WDR93: variants seen among roughly 807,000 people sequenced by gnomAD.
The protein encoded by WDR93 is WD repeat-containing protein 93.
Under a neutral mutation model 82.9 loss-of-function variants are expected in WDR93, and 73 were observed. The ratio of observed to expected loss-of-function variants is 0.88; its 90% confidence interval spans 0.73 to 1.07. WDR93 has a LOEUF of 1.07. WDR93 is among the 50% of genes least tolerant of loss of function. The pLI is 0.00. For missense variants in WDR93, 738 were observed against 826.0 expected (o/e 0.89, Z 1.31); for synonymous variants, 283 against 300.1 (o/e 0.94, Z 0.59).
At chr15:89,731,392 G>T in intron 11 of WDR93, 51 bp from the exon 12 acceptor site, 1 of 1,596,582 alleles carries the variant, frequency 6.3e-7, no homozygotes, top group South Asian at 1.1e-5. Context: ...TAGAAGTGAT[G>T]GGTAGGTGCA....
chr15:89,710,816 AT>A (rs1225547415), intron 4 of WDR93, among the ~76,000 whole-genome samples: 1 of 152,238 alleles, frequency 6.6e-6, no homozygotes, highest in Non-Finnish European at 1.5e-5. Flanking sequence ...GAAACTCAGT[AT>A]TCTGAAAACT....
chr15:89,697,504 T>G (rs568894664), intron 1 of WDR93, among the ~76,000 whole-genome samples: 1 of 152,356 alleles, frequency 6.6e-6, no homozygotes, highest in African/African-American at 2.4e-5. Context: ...GAACATACTT[T>G]GTATTATTTA....
chr15:89,702,819 G>C, intron 2 of WDR93, 131 bp from the exon 3 acceptor site: 2 of 1,046,106 alleles, frequency 1.9e-6, no homozygotes, highest in Non-Finnish European at 2.7e-6. Context: ...GATTACAGGC[G>C]TTAGCCACTG....
chr15:89,711,663 C>G (rs891306451), intron 4 of WDR93, among the ~76,000 whole-genome samples: 1 of 152,100 alleles, frequency 6.6e-6, no homozygotes, highest in African/African-American at 2.4e-5. Flanking sequence ...CAGCAACTAC[C>G]AGAGTTTTCA....
chr15:89,741,675 G>C (rs569599241), intron 16 of WDR93, among the ~76,000 whole-genome samples: 1 of 152,242 alleles, frequency 6.6e-6, no homozygotes, highest in South Asian at 2.1e-4. Flanking sequence ...GCTTGGTTCT[G>C]AGACAGTGAA....
intron 13 of WDR93, among the ~76,000 whole-genome samples, chr15:89,734,470 G>A (rs1269841887): frequency 6.6e-6 from 1 of 152,194 alleles, no homozygotes; most frequent in Non-Finnish European, 1.5e-5. Flanking sequence ...AGCAGCAGGA[G>A]AGGGCAACCA....
intron 7 of WDR93, among the ~76,000 whole-genome samples, chr15:89,721,694 A>G (rs1966534697): frequency 6.6e-6 from 1 of 152,188 alleles, no homozygotes; most frequent in Non-Finnish European, 1.5e-5. Context: ...GCACAGTCAT[A>G]GCACATTGCC....
chr15:89,710,203 C>T (rs1431013850), intron 4 of WDR93, among the ~76,000 whole-genome samples: 1 of 152,060 alleles, frequency 6.6e-6, no homozygotes, highest in Admixed American at 6.6e-5. Flanking sequence ...AATCAGAGAA[C>T]AAATAAAAAT....
At chr15:89,702,133 C>T (rs1965500853) in intron 2 of WDR93, 84 bp downstream of exon 2, 16 of 1,420,900 alleles carry the variant, frequency 1.1e-5, no homozygotes, top group Non-Finnish European at 1.4e-5. Flanking sequence ...GAAGGAATTC[C>T]TACTAGAAAG....
At position 89,732,878 on chromosome 15, in the gene WDR93, G is replaced by A. The variant is rs1482372319; in HGVS notation, c.1331-128G>A. 1.4e-4 allele frequency: 112 copies of A among 792,864 alleles called. 2 individuals are homozygous for A. The South Asian group carries it at 1.7e-3, about 12-fold the overall frequency. The allele number at this position is 792,864 out of a possible 1,614,324, so 49.1% of individuals were successfully genotyped here. Reference sequence around the variant, plus strand: ...AGGTTTACTGATTTTCTCTCACAGGGTGCTCATTGCTTGATTTTGCCTTCA... The same window carrying A: ...AGGTTTACTGATTTTCTCTCACAGGATGCTCATTGCTTGATTTTGCCTTCA... On this transcript the variant is annotated intron_variant, in intron 12 of 16. Coordinates refer to ENST00000268130, the MANE Select transcript of WDR93 (RefSeq NM_020212.2).
intron 2 of WDR93, among the ~76,000 whole-genome samples, chr15:89,702,367 T>G (rs1460451521): frequency 2.0e-5 from 3 of 152,230 alleles, no homozygotes; most frequent in Non-Finnish European, 2.9e-5. Context: ...CCTCCCACAG[T>G]GCACAAGCTG....
At chr15:89,711,086 T>C (rs551907061) in intron 4 of WDR93, among the ~76,000 whole-genome samples, 23 of 152,248 alleles carry the variant, frequency 1.5e-4, no homozygotes, top group African/African-American at 5.1e-4. Context: ...ACCTTAACAT[T>C]ACTAAAAGAG....
At chr15:89,729,661 C>G in intron 10 of WDR93, 22 bp from the exon 11 acceptor site, 2 of 1,604,464 alleles carry the variant, frequency 1.2e-6, no homozygotes, top group African/African-American at 2.7e-5. Context: ...CATTTTCTGT[C>G]TTTCCCCCGC....
chr15:89,729,469 A>C (rs1299107456), intron 10 of WDR93, among the ~76,000 whole-genome samples: 1 of 152,144 alleles, frequency 6.6e-6, no homozygotes, highest in Non-Finnish European at 1.5e-5. Flanking sequence ...CTATGCAAGA[A>C]GGCGGGTGGG....
At chr15:89,727,390 T>G in intron 9 of WDR93, 62 bp downstream of exon 9, 1 of 1,562,678 alleles carries the variant, frequency 6.4e-7, no homozygotes, top group Non-Finnish European at 8.7e-7. Context: ...TCTTGGCACA[T>G]GCAGGAATCA....
chr15:89,690,788 G>A, upstream of WDR93: 1 of 563,700 alleles, frequency 1.8e-6, no homozygotes, highest in Non-Finnish European at 3.1e-6. Context: ...TTTCTGTAGA[G>A]CAACTTCGCG....
intron 13 of WDR93, among the ~76,000 whole-genome samples, chr15:89,733,920 A>G (rs11637827): frequency 0.28 from 42,814 of 152,204 alleles, 7,762 homozygotes; most frequent in East Asian, 0.57. Context: ...GTAAACTTCC[A>G]TCAGTTTCTC....
At position 89,701,844 on chromosome 15, in the gene WDR93, G is replaced by A. The variant is rs753742951; in HGVS notation, c.98G>A (p.Trp33Ter). The change falls in exon 2 of 17, where the codon TGG becomes TAG. Residue 33 changes from tryptophan (W) to a stop codon, truncating the protein, a stop_gained. Coordinates refer to ENST00000268130, the MANE Select transcript of WDR93 (RefSeq NM_020212.2). LOFTEE classifies it high-confidence loss of function. ...LEVPPPTEKD[W>*]PKDDEQDHVL... ...GTGCCACCCCCAACAGAGAAGGACT[G>A]GCCTAAAGACGATGAACAGGATCAT... The A allele has an allele frequency of 1.2e-6, 2 of 1,614,188 alleles. No homozygotes were observed. Among genetic ancestry groups the A allele is most frequent in the Non-Finnish European group, 1.7e-6 (2 of 1,180,038 alleles).
At chr15:89,740,837 T>A (rs1262185456) in intron 16 of WDR93, among the ~76,000 whole-genome samples, 1 of 152,144 alleles carries the variant, frequency 6.6e-6, no homozygotes, top group Non-Finnish European at 1.5e-5. Context: ...TATAGATTAC[T>A]TTTTTAAAAA....
Sources: gnomAD v4.1 joint callset for allele counts (sites outside exome capture counted in the v4.1 genomes callset) on GRCh38, gnomAD v4.1.1 for gene constraint, MANE v1.5 for transcripts, NCBI Gene and HGNC (gene_info 2026-07-23, HGNC 2026-07-21) for gene names.